CAPN14: variants seen among roughly 807,000 people sequenced by gnomAD.
The protein encoded by CAPN14 is calpain-14.
Under a neutral mutation model 101.3 loss-of-function variants are expected in CAPN14, and 94 were observed. The observed-to-expected ratio is 0.93, with a 90% CI of 0.79 to 1.10. The LOEUF (loss-of-function observed/expected upper bound fraction) is 1.10, where lower values mean the gene tolerates loss of function less well. CAPN14 is among the 50% of genes least tolerant of loss of function. The pLI, the probability that CAPN14 is intolerant of heterozygous loss-of-function variation, is 0.00. For missense variants in CAPN14, 837 were observed against 828.4 expected, an observed-to-expected ratio of 1.01 and a Z score of -0.13; for synonymous variants, 338 against 317.9, an observed-to-expected ratio of 1.06 and a Z score of -0.67.
chr2:31,173,999 G>C lies in CAPN14; in HGVS notation c.*682C>G, dbSNP rs1378766161. On this transcript the variant is annotated 3_prime_UTR_variant, in exon 22 of 22. Transcript: ENST00000403897. ...TAGACACACCTGTCACAAGCAGGAA[G>C]CCCTTTGAGAACTCAGGTGTTTTAA... 1 of 152,408 alleles carries C rather than the reference G, an allele frequency of 6.6e-6. No homozygotes were observed. Among genetic ancestry groups the C allele is most frequent in the African/African-American group, 2.4e-5 (1 of 41,432 alleles). 9.4% of individuals were successfully genotyped at this position (152,408 alleles called of 1,614,324 possible). A position where few individuals can be genotyped will look rare whatever the true frequency, so the allele number is the denominator to read the frequency against.
At position 31,227,066 on chromosome 2, in the gene CAPN14, A is replaced by C. The variant is rs144993572; in HGVS notation, c.-176-415T>G. Among the ~76,000 whole-genome samples, 258 of 152,344 alleles carry C rather than the reference A, an allele frequency of 1.7e-3. 2 individuals carry two copies. The highest frequency in any genetic ancestry group is 6.0e-3 in the African/African-American group (250 of 41,580). Reference sequence around the variant, plus strand: ...GGAAACACCTGTGCTACAAAAGCAGACACTGACCATAATTAGGAGATTTTC... The same window carrying C: ...GGAAACACCTGTGCTACAAAAGCAGCCACTGACCATAATTAGGAGATTTTC... On this transcript the variant is annotated intron_variant and NMD_transcript_variant, in intron 1 of 21. Coordinates refer to the CAPN14 transcript ENST00000398824.
intron 17 of CAPN14, among the ~76,000 whole-genome samples, chr2:31,179,332 C>G (rs7567449): frequency 0.33 from 50,726 of 151,722 alleles, 10,069 homozygotes; most frequent in African/African-American, 0.55. Context: ...TTGGTTTTCT[C>G]TCCTTGCGAT....
At chr2:31,214,771 G>A (rs1424637344) in intron 1 of CAPN14, among the ~76,000 whole-genome samples, 2 of 152,188 alleles carry the variant, frequency 1.3e-5, no homozygotes, top group African/African-American at 4.8e-5. Context: ...GCCACGACCT[G>A]GACACAGCTT....
At chr2:31,194,888 C>A (rs1273794362) in intron 8 of CAPN14, among the ~76,000 whole-genome samples, 6 of 152,140 alleles carry the variant, frequency 3.9e-5, no homozygotes, top group African/African-American at 1.4e-4. Context: ...AGCCTCCTAC[C>A]ATCAAGAAAT....
At chr2:31,192,319 C>T (rs1455879102) in intron 10 of CAPN14, among the ~76,000 whole-genome samples, 1 of 152,148 alleles carries the variant, frequency 6.6e-6, no homozygotes, top group Non-Finnish European at 1.5e-5. Flanking sequence ...GAGTTGTTCC[C>T]ACCACTGTAG....
chr2:31,193,655 T>C (rs1417279734), intron 9 of CAPN14, among the ~76,000 whole-genome samples: 1 of 152,260 alleles, frequency 6.6e-6, no homozygotes, highest in African/African-American at 2.4e-5. Context: ...AAGAATTACA[T>C]ATCAGTTCTT....
upstream of CAPN14, among the ~76,000 whole-genome samples, chr2:31,218,986 A>G (rs966460744): frequency 1.3e-5 from 2 of 151,954 alleles, no homozygotes; most frequent in Admixed American, 6.6e-5. Context: ...TATCTCCCAG[A>G]CATAACCTTT....
chr2:31,190,918 GTTC>G (rs1328765024), intron 12 of CAPN14, among the ~76,000 whole-genome samples: 10 of 152,194 alleles, frequency 6.6e-5, no homozygotes, highest in Non-Finnish European at 1.5e-4. Context: ...GCACGGAGGT[GTTC>G]TTGTCCCTCT....
In CAPN14 at chr2:31,202,268, C is replaced by T; in HGVS notation, c.296-16G>A. 6.5e-7 allele frequency: 1 copy of T among 1,535,502 alleles called. No individual in the cohort carries two copies. The highest frequency in any genetic ancestry group is 8.8e-7 in the Non-Finnish European group (1 of 1,132,240). On this transcript the variant is annotated splice_polypyrimidine_tract_variant and intron_variant, in intron 3 of 21. Coordinates refer to ENST00000403897, the MANE Select transcript of CAPN14 (RefSeq NM_001145122.2). ...CAGCAGTCTCCTAAGTCAGACAGCA[C>T]ACAGCATCTGCATGAATCTACTGGG...
chr2:31,215,370 C>T (rs764726807), intron 1 of CAPN14, among the ~76,000 whole-genome samples: 1 of 151,980 alleles, frequency 6.6e-6, no homozygotes, highest in Non-Finnish European at 1.5e-5. Context: ...TCTGATCCTG[C>T]ATTTGCCATA....
In CAPN14 at chr2:31,205,417, A is replaced by G. The variant is rs762960896; in HGVS notation, c.31T>C (p.Trp11Arg). 110 of 1,551,468 alleles carry G rather than the reference A, an allele frequency of 7.1e-5. No individual in the cohort carries two copies. Among genetic ancestry groups the G allele is most frequent in the Non-Finnish European group, 8.5e-5 (98 of 1,146,976 alleles). Residue 11 changes from tryptophan (W) to arginine (R), a missense_variant, in exon 2 of 22, where the codon TGG (tryptophan) becomes CGG (arginine). Transcript: ENST00000403897. Reference protein sequence around the residue: MSLWPPFRCRWKLAPRYSRRA... With the variant: MSLWPPFRCRRKLAPRYSRRA... ...CTAGAGTACCTTGGCGCCAGCTTCC[A>G]TCTGCATCGGAAAGGTGGCCACAGA... is the stretch of plus-strand genomic sequence containing the variant.
intron 1 of CAPN14, among the ~76,000 whole-genome samples, chr2:31,227,233 CAGGTT>C (rs1683050108): frequency 6.6e-6 from 1 of 152,292 alleles, no homozygotes; most frequent in African/African-American, 2.4e-5. Flanking sequence ...TTGGATTTCT[CAGGTT>C]AGCTCTGCTC....
Position 31,192,076 on chromosome 2 carries a change from C to G in CAPN14, c.1137G>C (p.Gln379His). 2 of 1,549,680 alleles carry G rather than the reference C, an allele frequency of 1.3e-6. No individual in the cohort carries two copies. Among genetic ancestry groups the G allele is most frequent in the South Asian group, 2.4e-5 (2 of 83,846 alleles). Reference protein sequence around the residue: ...LLQDTFWKNPQFLLSVWRPEE... With the variant: ...LLQDTFWKNPHFLLSVWRPEE... ...CGGGCCTCCAGACAGACAGCAGGAA[C>G]TGCGGGTTCTTCCAAAATGTGTCTG... The change falls in exon 11 of 22, where the codon CAG (glutamine) becomes CAC (histidine). Residue 379 changes from glutamine to histidine, a missense_variant. Coordinates refer to ENST00000403897, the MANE Select transcript of CAPN14 (RefSeq NM_001145122.2).
At position 31,231,565 on chromosome 2, in the gene CAPN14, T is replaced by G. The variant is rs571343301; in HGVS notation, c.-177+2226A>C. Among the ~76,000 whole-genome samples, 126 of 152,374 alleles carry G rather than the reference T, an allele frequency of 8.3e-4. No individual in the cohort carries two copies. In the Middle Eastern group the frequency reaches 0.02, roughly 25 times the overall value. ...TATAGAAATGCTCCATTAGTTCCTT[T>G]TTTAAACAGATAGATTTCAACTACT... On this transcript the variant is annotated intron_variant and NMD_transcript_variant, in intron 1 of 21. Coordinates refer to the CAPN14 transcript ENST00000398824.
At chr2:31,201,069 C>A (rs1038864667) in intron 5 of CAPN14, among the ~76,000 whole-genome samples, 1 of 152,104 alleles carries the variant, frequency 6.6e-6, no homozygotes, top group Non-Finnish European at 1.5e-5. Context: ...GCCTGGGCCC[C>A]CTGACCTCCA....
intron 18 of CAPN14, among the ~76,000 whole-genome samples, 200 bp from the exon 19 acceptor site, chr2:31,178,021 T>C (rs1680399031): frequency 6.6e-6 from 1 of 152,164 alleles, no homozygotes; most frequent in South Asian, 2.1e-4. Context: ...AGAACAAGGC[T>C]TCTGAGAAAC....
At chr2:31,185,643 C>G (rs925761933) in intron 16 of CAPN14, among the ~76,000 whole-genome samples, 4 of 152,164 alleles carry the variant, frequency 2.6e-5, no homozygotes, top group Non-Finnish European at 4.4e-5. Flanking sequence ...TCCCTTCTGG[C>G]TGTTTTACTG....
At chr2:31,190,535 C>G (rs551494990) in intron 12 of CAPN14, among the ~76,000 whole-genome samples, 4 of 152,268 alleles carry the variant, frequency 2.6e-5, no homozygotes, top group Admixed American at 6.5e-5. Flanking sequence ...CTACCTAGCT[C>G]TCATCCCTTT....
In CAPN14 at chr2:31,174,631, C is replaced by T; in HGVS notation, c.*50G>A. ...GGGTTGGTCTCAGCCAAAGGCTGCTCTTGGGCCACATGCAGAGTCTTCAGT... is the reference window on the plus strand; with the variant it reads ...GGGTTGGTCTCAGCCAAAGGCTGCTTTTGGGCCACATGCAGAGTCTTCAGT... On this transcript the variant is annotated 3_prime_UTR_variant, in exon 22 of 22. Coordinates refer to ENST00000403897, the MANE Select transcript of CAPN14 (RefSeq NM_001145122.2). The T allele has an allele frequency of 1.9e-6, 3 of 1,549,052 alleles. No individual in the cohort carries two copies. The highest frequency in any genetic ancestry group is 2.6e-6 in the Non-Finnish European group (3 of 1,145,120).
Sources: gnomAD v4.1 joint callset for allele counts (sites outside exome capture counted in the v4.1 genomes callset) on GRCh38, gnomAD v4.1.1 for gene constraint, MANE v1.5 for transcripts, NCBI Gene and HGNC (gene_info 2026-07-23, HGNC 2026-07-21) for gene names.